VWA5B1: variants seen among roughly 807,000 people sequenced by gnomAD.
VWA5B1 encodes von Willebrand factor A domain-containing protein 5B1.
VWA5B1 carries 115 observed loss-of-function variants against 118.2 expected under a neutral mutation model. That is an observed-to-expected ratio of 0.97 (90% CI 0.84 to 1.14). VWA5B1 has a LOEUF of 1.14. Ranked by LOEUF, VWA5B1 falls within the 50% of genes most tolerant of loss-of-function variation. VWA5B1 has a pLI of 0.00. For synonymous variants in VWA5B1, 682 were observed against 658.4 expected, an observed-to-expected ratio of 1.04 and a Z score of -0.55; for missense variants, 1,596 against 1,603.8, an observed-to-expected ratio of 1.00 and a Z score of 0.08.
At chr1:20,291,147 T>TG (rs1013355284) in intron 1 of VWA5B1, 59 bp downstream of exon 1, 4 of 146,344 alleles carry the variant, frequency 2.7e-5, no homozygotes, top group African/African-American at 1.0e-4. Context: ...CTGCTCTGGG[T>TG]GGGCAAGGGC....
In VWA5B1 at chr1:20,314,314, G is replaced by A. The variant is rs1385423001; in HGVS notation, c.293-8G>A. ...ATGTACAGCCCCTGACGCCAGCCTG[G>A]CACTTAGGGAACATTCTGCAAGACG... On this transcript the variant is annotated splice_region_variant and splice_polypyrimidine_tract_variant and intron_variant, in intron 3 of 21. Coordinates refer to ENST00000289815, the MANE Select transcript of VWA5B1 (RefSeq NM_001039500.3). The A allele has an allele frequency of 6.4e-7, 1 of 1,551,596 alleles. No individual in the cohort carries two copies. The highest frequency in any genetic ancestry group is 8.7e-7 in the Non-Finnish European group (1 of 1,146,848).
intron 7 of VWA5B1, among the ~76,000 whole-genome samples, chr1:20,322,007 A>C (rs566732568): frequency 1.2e-3 from 179 of 152,188 alleles, no homozygotes; most frequent in Non-Finnish European, 2.1e-3. Context: ...GGGAGATAAA[A>C]GTTGGAGAAA....
At chr1:20,340,414 G>A (rs1341605372) in intron 14 of VWA5B1, among the ~76,000 whole-genome samples, 1 of 152,128 alleles carries the variant, frequency 6.6e-6, no homozygotes, top group Non-Finnish European at 1.5e-5. Context: ...GTCATCCTGG[G>A]AGTGACCAGT....
rs778821465 is a variant in VWA5B1, at chr1:20,348,345, G to A, written c.2865G>A (p.Ser955=). The A allele has an allele frequency of 5.2e-6, 8 of 1,551,572 alleles. No individual in the cohort carries two copies. Among genetic ancestry groups the A allele is most frequent in the Non-Finnish European group, 7.0e-6 (8 of 1,146,998 alleles). The change falls in exon 18 of 22, where the codon TCG becomes TCA. Residue 955 remains serine, a synonymous_variant. Coordinates refer to ENST00000289815, the MANE Select transcript of VWA5B1 (RefSeq NM_001039500.3). ...CGCAGACGATGCTTGGAGAAGATTC[G>A]GCACCAGGAAATGGTAAATTTCAGG... ...GRPQTMLGED[S]APGNDMEASP...
At chr1:20,350,368 G>A in intron 19 of VWA5B1, 138 bp downstream of exon 19, 1 of 951,322 alleles carries the variant, frequency 1.1e-6, no homozygotes, top group Middle Eastern at 2.1e-4. Context: ...TGGGGAATAG[G>A]ATTATCCCCA....
chr1:20,350,350 C>T (rs2090104009), intron 19 of VWA5B1, 120 bp downstream of exon 19: 7 of 1,107,554 alleles, frequency 6.3e-6, no homozygotes, highest in Admixed American at 2.0e-5. Flanking sequence ...TCAAAGCAGC[C>T]GTCTGCATGG....
chr1:20,334,936 T>C (rs540355000), intron 12 of VWA5B1, among the ~76,000 whole-genome samples: 1 of 152,346 alleles, frequency 6.6e-6, no homozygotes, highest in Admixed American at 6.5e-5. Flanking sequence ...GTATTTTTTA[T>C]GGTGACAAAA....
chr1:20,338,116 C>T (rs2089775426), intron 14 of VWA5B1: 2 of 575,490 alleles, frequency 3.5e-6, no homozygotes, highest in Non-Finnish European at 6.6e-6. Context: ...TATAGCAGAC[C>T]TGGGGGAGGA....
intron 1 of VWA5B1, among the ~76,000 whole-genome samples, chr1:20,306,766 C>T (rs1001118969): frequency 3.3e-5 from 5 of 152,162 alleles, no homozygotes; most frequent in African/African-American, 1.2e-4. Context: ...TTAACAGGCA[C>T]ACCAGGAACC....
chr1:20,319,350 C>G (rs756773802), intron 6 of VWA5B1, 32 bp from the exon 7 acceptor site: 1 of 1,548,712 alleles, frequency 6.5e-7, no homozygotes, highest in African/African-American at 1.4e-5. Flanking sequence ...CGATACCTGG[C>G]CAAGTGCTGA....
At position 20,336,474 on chromosome 1, in the gene VWA5B1, A is replaced by G. The variant is rs769552771; in HGVS notation, c.1930A>G (p.Thr644Ala). 1.4e-6 allele frequency: 2 copies of G among 1,418,672 alleles called. No homozygotes were observed. The highest frequency in any genetic ancestry group is 1.7e-5 in the South Asian group (1 of 59,890). The allele number at this position is 1,418,672 out of a possible 1,614,324, so 87.9% of individuals were successfully genotyped here. A position where few individuals can be genotyped will look rare whatever the true frequency, so the allele number is the denominator to read the frequency against. Reference protein sequence around the residue: ...KNARLASGDSTTKHDLNLSQR... With the variant: ...KNARLASGDSATKHDLNLSQR... ...TGCCCGGCTAGCCAGCGGAGACTCTACCACCAAGCACGGTTCGTCTGCGGC... is the reference window on the plus strand; with the variant it reads ...TGCCCGGCTAGCCAGCGGAGACTCTGCCACCAAGCACGGTTCGTCTGCGGC... The change falls in exon 13 of 22, where the codon ACC becomes GCC. Residue 644 changes from threonine to alanine, a missense_variant. Physicochemically the swap from Thr to Ala is moderately conservative, Grantham distance 58. Transcript: ENST00000289815.
chr1:20,293,414 G>A (rs2088348856), intron 1 of VWA5B1, among the ~76,000 whole-genome samples: 1 of 152,214 alleles, frequency 6.6e-6, no homozygotes, highest in Non-Finnish European at 1.5e-5. Flanking sequence ...GGACTCAGGG[G>A]CAGCACTCCT....
At position 20,350,186 on chromosome 1, in the gene VWA5B1, G is replaced by T. The variant is rs2101018093; in HGVS notation, c.2909G>T (p.Ser970Ile). Reference sequence around the variant, plus strand: ...GAGGCAAGTCCCACTGCTCTCTTCAGCGAGGCCAGGTCCCCCGGCCGCGAG... The same window carrying T: ...GAGGCAAGTCCCACTGCTCTCTTCATCGAGGCCAGGTCCCCCGGCCGCGAG... ...DMEASPTALF[S>I]EARSPGREKH... The change falls in exon 19 of 22, where the codon AGC becomes ATC. Residue 970 changes from serine to isoleucine, a missense_variant. Coordinates refer to ENST00000289815, the MANE Select transcript of VWA5B1 (RefSeq NM_001039500.3). The T allele has an allele frequency of 6.4e-7, 1 of 1,551,206 alleles. No homozygotes were observed. Among genetic ancestry groups the T allele is most frequent in the African/African-American group, 1.4e-5 (1 of 73,162 alleles).
chr1:20,331,596 A>G (rs4329481), intron 11 of VWA5B1, among the ~76,000 whole-genome samples: 40,881 of 152,044 alleles, frequency 0.27, 5,791 homozygotes, highest in East Asian at 0.52. Context: ...GAGAGCCTCA[A>G]ACTGTGATGC....
chr1:20,299,362 C>G (rs1355320239), intron 1 of VWA5B1, among the ~76,000 whole-genome samples: 2 of 152,102 alleles, frequency 1.3e-5, no homozygotes, highest in African/African-American at 4.8e-5. Flanking sequence ...TCTGAGGCCT[C>G]TTTGTGTGTC....
At chr1:20,292,262 G>A (rs959620619) in intron 1 of VWA5B1, among the ~76,000 whole-genome samples, 19 of 151,050 alleles carry the variant, frequency 1.3e-4, no homozygotes, top group African/African-American at 4.6e-4. Flanking sequence ...CCCCTTCCCT[G>A]GGCTCACCTG....
chr1:20,337,867 T>C, intron 14 of VWA5B1, 31 bp downstream of exon 14: 2 of 1,551,070 alleles, frequency 1.3e-6, no homozygotes, highest in Non-Finnish European at 1.7e-6. Context: ...AGGGAGGAGC[T>C]GGGGAAGGCG....
intron 1 of VWA5B1, among the ~76,000 whole-genome samples, chr1:20,305,674 C>T (rs4655190): frequency 0.36 from 54,863 of 151,478 alleles, 10,283 homozygotes; most frequent in East Asian, 0.53. Context: ...GAGAGGTGGG[C>T]AGTGGCCAGG....
Position 20,332,809 on chromosome 1 carries a change from ATG to A in VWA5B1, c.1619_1620del (p.Val540AspfsTer8), listed in dbSNP as rs2089608430. On this transcript the variant is annotated frameshift_variant, in exon 12 of 22. Transcript: ENST00000289815. LOFTEE classifies it high-confidence loss of function. ...AAGGCCATGGCCCCAGTCCTGAGCG[ATG>A]TGACTGTGGAGTGGATCTTCCCTGA... 6.4e-7 allele frequency: 1 copy of A among 1,551,702 alleles called. No homozygotes were observed. The highest frequency in any genetic ancestry group is 8.7e-7 in the Non-Finnish European group (1 of 1,147,036).
Sources: gnomAD v4.1 joint callset for allele counts (sites outside exome capture counted in the v4.1 genomes callset) on GRCh38, gnomAD v4.1.1 for gene constraint, MANE v1.5 for transcripts, NCBI Gene and HGNC (gene_info 2026-07-23, HGNC 2026-07-21) for gene names.